Variants in TMTC2 observed in about 807,000 individuals in gnomAD.
TMTC2 encodes the protein protein O-mannosyl-transferase TMTC2.
TMTC2 carries 43 observed loss-of-function variants against 82.4 expected under a neutral mutation model. The observed-to-expected ratio is 0.52, with a 90% confidence interval of 0.41 to 0.67. The LOEUF (loss-of-function observed/expected upper bound fraction) is 0.67. Among genes scored for constraint, TMTC2 ranks in the 30% least tolerant of loss-of-function variants. The probability of loss-of-function intolerance (pLI) is 0.00; values close to 1 mark genes in which losing one functional copy is unlikely to be tolerated. For synonymous variants in TMTC2, 408 were observed against 381.9 expected, an observed-to-expected ratio of 1.07 and a Z score of -0.80; for missense variants, 919 against 1,012.4, an observed-to-expected ratio of 0.91 and a Z score of 1.25.
chr12:83,029,696 C>G (rs1192140259), intron 8 of TMTC2, among the ~76,000 whole-genome samples: 1 of 152,092 alleles, frequency 6.6e-6, no homozygotes, highest in African/African-American at 2.4e-5. Context: ...TAGAACTGCT[C>G]CAGGCAAGTG....
intron 8 of TMTC2, among the ~76,000 whole-genome samples, chr12:83,009,372 T>C (rs1339847188): frequency 2.0e-5 from 3 of 152,138 alleles, no homozygotes; most frequent in Non-Finnish European, 4.4e-5. Context: ...CTCCTGATAG[T>C]CTACCCTCAG....
intron 1 of TMTC2, among the ~76,000 whole-genome samples, chr12:82,768,215 A>C (rs1877083824): frequency 6.6e-6 from 1 of 152,206 alleles, no homozygotes; most frequent in Non-Finnish European, 1.5e-5. Context: ...AGAATCCAGC[A>C]CAAGAGTTTG....
chr12:82,918,362 G>T (rs2137223188), intron 3 of TMTC2, among the ~76,000 whole-genome samples: 1 of 152,314 alleles, frequency 6.6e-6, no homozygotes, highest in East Asian at 1.9e-4. Flanking sequence ...GTAACACTTT[G>T]ATTTCAAACA....
intron 1 of TMTC2, among the ~76,000 whole-genome samples, chr12:82,695,631 A>C (rs4601855): frequency 0.23 from 35,424 of 152,000 alleles, 4,558 homozygotes; most frequent in East Asian, 0.42. Flanking sequence ...AAATGTGAGT[A>C]AATAAACTCT....
intron 1 of TMTC2, among the ~76,000 whole-genome samples, chr12:82,735,372 G>C (rs542587004): frequency 6.8e-6 from 1 of 147,114 alleles, no homozygotes; most frequent in East Asian, 2.0e-4. Context: ...TTGAGACAGA[G>C]TCTTACTCCG....
At chr12:82,986,370 A>T (rs1879155070) in intron 8 of TMTC2, 1 of 211,404 alleles carries the variant, frequency 4.7e-6, no homozygotes, top group Admixed American at 5.3e-5. Flanking sequence ...GTATCCCATA[A>T]ATATATGCAC....
At chr12:82,724,462 C>T (rs1299151470) in intron 1 of TMTC2, among the ~76,000 whole-genome samples, 1 of 152,098 alleles carries the variant, frequency 6.6e-6, no homozygotes, top group Non-Finnish European at 1.5e-5. Flanking sequence ...TGAGTGAGTT[C>T]TCATGAGATC....
At chr12:83,113,636 C>A (rs1429539487) in intron 11 of TMTC2, among the ~76,000 whole-genome samples, 1 of 152,200 alleles carries the variant, frequency 6.6e-6, no homozygotes, top group African/African-American at 2.4e-5. Context: ...TAGAGTACAG[C>A]GTGGCTTCAC....
chr12:82,985,753 A>G (rs934388528), intron 7 of TMTC2, among the ~76,000 whole-genome samples, 172 bp from the exon 8 acceptor site: 2 of 152,216 alleles, frequency 1.3e-5, no homozygotes, highest in African/African-American at 4.8e-5. Context: ...TTTCATCTGT[A>G]AAATGGGAAT....
intron 3 of TMTC2, among the ~76,000 whole-genome samples, chr12:82,917,564 A>G (rs929209418): frequency 6.6e-6 from 1 of 152,080 alleles, no homozygotes; most frequent in Non-Finnish European, 1.5e-5. Flanking sequence ...ATATGCATAC[A>G]CAAGTCTAGC....
rs138660908 is a variant in TMTC2 at position 83,039,399 on chromosome 12, A to G, written c.2152+8520A>G. On this transcript the variant is annotated intron_variant, in intron 9 of 11. Coordinates refer to ENST00000321196, the MANE Select transcript of TMTC2 (RefSeq NM_152588.3). ...ATCACTTGCATGGAGTCTATTACATATAATATTTCCATTATGAAATATTCA... is the reference window on the plus strand; with the variant it reads ...ATCACTTGCATGGAGTCTATTACATGTAATATTTCCATTATGAAATATTCA... Among the ~76,000 whole-genome samples, 85 of 152,282 alleles carry G rather than the reference A, an allele frequency of 5.6e-4. 1 individual carries two copies. The highest frequency in any genetic ancestry group is 4.4e-3 in the East Asian group (23 of 5,188).
intron 8 of TMTC2, among the ~76,000 whole-genome samples, chr12:83,008,190 A>C (rs371122143): frequency 3.3e-5 from 5 of 152,256 alleles, no homozygotes; most frequent in African/African-American, 1.2e-4. Flanking sequence ...TATTTTTGGA[A>C]TGTATCTTAT....
At chr12:83,071,179 G>A (rs939987560) in intron 11 of TMTC2, among the ~76,000 whole-genome samples, 2 of 149,128 alleles carry the variant, frequency 1.3e-5, no homozygotes, top group African/African-American at 5.0e-5. Flanking sequence ...TTTTGAGACG[G>A]AGTCTCGCTC....
intron 2 of TMTC2, among the ~76,000 whole-genome samples, chr12:82,876,021 G>A (rs989621491): frequency 3.7e-5 from 4 of 108,498 alleles, no homozygotes; most frequent in African/African-American, 1.3e-4. Flanking sequence ...AATGGTAGTA[G>A]TGGTGGCGGT....
chr12:83,122,811 A>C (rs892361990), intron 11 of TMTC2, among the ~76,000 whole-genome samples: 2 of 152,110 alleles, frequency 1.3e-5, no homozygotes, highest in African/African-American at 2.4e-5. Context: ...TGTCTGTCCA[A>C]TCAGAGCTGC....
intron 3 of TMTC2, among the ~76,000 whole-genome samples, chr12:82,914,201 A>T (rs1443085751): frequency 7.2e-5 from 11 of 152,230 alleles, no homozygotes; most frequent in Admixed American, 7.2e-4. Flanking sequence ...AGCAAAGATA[A>T]TTGATATTTT....
chr12:82,783,744 A>AT (rs768167822), intron 1 of TMTC2, among the ~76,000 whole-genome samples: 6 of 152,038 alleles, frequency 3.9e-5, no homozygotes, highest in African/African-American at 7.2e-5. Flanking sequence ...CAAGGGGGTG[A>AT]TTTTTTTCTC....
At chr12:82,761,916 CT>C (rs1876662844) in intron 1 of TMTC2, among the ~76,000 whole-genome samples, 1 of 139,728 alleles carries the variant, frequency 7.2e-6, no homozygotes, top group Non-Finnish European at 1.5e-5. Flanking sequence ...TTTTCTTTTT[CT>C]TTCTCTTTCC....
intron 2 of TMTC2, among the ~76,000 whole-genome samples, chr12:82,886,255 C>G (rs1796159): frequency 0.079 from 12,054 of 152,198 alleles, 1,406 homozygotes; most frequent in African/African-American, 0.25. Flanking sequence ...TGTATATTTT[C>G]TGTTCCAGTC....
Sources: gnomAD v4.1 joint callset for allele counts (sites outside exome capture counted in the v4.1 genomes callset) on GRCh38, gnomAD v4.1.1 for gene constraint, MANE v1.5 for transcripts, NCBI Gene and HGNC (gene_info 2026-07-23, HGNC 2026-07-21) for gene names.